Variants in TAF4 observed in about 807,000 individuals in gnomAD.
TAF4 encodes the protein TATA-box binding protein associated factor 4, also known as transcription initiation factor TFIID subunit 4.
Under a neutral mutation model 90.3 loss-of-function variants are expected in TAF4, and 9 were observed. The ratio of observed to expected loss-of-function variants is 0.10; its 90% CI spans 0.06 to 0.17. The LOEUF is 0.17. TAF4 is among the 10% of genes least tolerant of loss of function. The pLI is 1.00. For synonymous variants in TAF4, 818 were observed against 638.9 expected, an observed-to-expected ratio of 1.28 and a Z score of -4.23; for missense variants, 1,351 against 1,370.7, an observed-to-expected ratio of 0.99 and a Z score of 0.23.
chr20:62,001,923 A>G (rs1359700941), intron 9 of TAF4, among the ~76,000 whole-genome samples: 20 of 152,214 alleles, frequency 1.3e-4, no homozygotes, highest in Admixed American at 1.3e-3. Flanking sequence ...AGGTGTGCTC[A>G]GTGTTACTGG....
intron 1 of TAF4, among the ~76,000 whole-genome samples, chr20:62,047,847 C>G (rs888290504): frequency 2.0e-5 from 3 of 152,206 alleles, no homozygotes; most frequent in African/African-American, 7.2e-5. Flanking sequence ...CCAAAAAGGA[C>G]ACAGCCATGG....
intron 9 of TAF4, among the ~76,000 whole-genome samples, chr20:62,001,554 G>A (rs1170685297): frequency 3.9e-5 from 6 of 152,128 alleles, no homozygotes; most frequent in Non-Finnish European, 7.4e-5. Context: ...ACGTGAGGCC[G>A]GGGGCCTGCC....
intron 14 of TAF4, among the ~76,000 whole-genome samples, chr20:61,987,080 G>A (rs548070689): frequency 1.6e-4 from 24 of 152,266 alleles, no homozygotes; most frequent in African/African-American, 5.3e-4. Flanking sequence ...TTCAAAGTCA[G>A]CAGCAGCAGC....
rs1024988166 is a variant in TAF4, at chr20:62,047,883, A to AC, written c.1360+16567dup. 5.1e-4 allele frequency among the ~76,000 whole-genome samples: 78 copies of AC among 152,280 alleles called. 1 individual carries two copies. The highest frequency in any genetic ancestry group is 9.4e-4 in the Non-Finnish European group (64 of 68,018). ...AAGCCGCAGGTCTATTTTTATAAAC[A>AC]CCAGCACCCGGGATTCCTCGCCGAG... On this transcript the variant is annotated intron_variant, in intron 1 of 14. Coordinates refer to ENST00000252996, the MANE Select transcript of TAF4 (RefSeq NM_003185.4).
chr20:61,998,382 G>C (rs545679367), intron 12 of TAF4, among the ~76,000 whole-genome samples, 190 bp from the exon 13 acceptor site: 10 of 152,338 alleles, frequency 6.6e-5, no homozygotes, highest in Admixed American at 1.3e-4. Context: ...CAGTAATCTT[G>C]AGAAAAGTCA....
rs2055773103 is a variant in TAF4, at chr20:62,010,615, C to G, written c.1642-450G>C. Among the ~76,000 whole-genome samples the G allele has an allele frequency of 6.6e-6, 1 of 152,164 alleles. No individual in the cohort carries two copies. The highest frequency in any genetic ancestry group is 2.4e-5 in the African/African-American group (1 of 41,452). On this transcript the variant is annotated intron_variant, in intron 3 of 14. Transcript: ENST00000252996. The surrounding 1 kb of genome is among the most constrained non-coding windows in gnomAD (Gnocchi z 4.5). The stretch of plus-strand genomic sequence containing the variant: ...TGGCTACAGGGCGGTCAGGGCTCCA[C>G]AGCCGCAGCCTCCCATAGGGGAGGG...
At chr20:62,042,074 C>T (rs2145503578) in intron 1 of TAF4, among the ~76,000 whole-genome samples, 1 of 152,300 alleles carries the variant, frequency 6.6e-6, no homozygotes, top group East Asian at 1.9e-4. Flanking sequence ...TGGGAACAGG[C>T]ATTCCTGTTT....
In TAF4 at chr20:62,007,506, C is replaced by G. The variant is rs750803155; in HGVS notation, c.1974+41G>C. On this transcript the variant is annotated intron_variant, in intron 6 of 14. Coordinates refer to ENST00000252996, the MANE Select transcript of TAF4 (RefSeq NM_003185.4). Reference sequence around the variant, plus strand: ...TGGTGCATCTGCGCCCCACCCCTCCCTGGCCCTACTGCTCGCAGGCACCGG... The same window carrying G: ...TGGTGCATCTGCGCCCCACCCCTCCGTGGCCCTACTGCTCGCAGGCACCGG... 5.7e-6 allele frequency: 9 copies of G among 1,588,224 alleles called. No individual in the cohort carries two copies. In the African/African-American group the frequency reaches 9.4e-5, roughly 17 times the overall value.
intron 7 of TAF4, chr20:62,005,574 CAT>C (rs1258126000): frequency 6.6e-6 from 1 of 152,254 alleles, no homozygotes; most frequent in African/African-American, 2.4e-5. Flanking sequence ...AGGCACGGCA[CAT>C]CTCTTTCCCT....
At chr20:61,998,056 G>A (rs909308746) in intron 13 of TAF4, 80 bp downstream of exon 13, 4 of 1,380,522 alleles carry the variant, frequency 2.9e-6, no homozygotes, top group Middle Eastern at 1.8e-4. Context: ...GAAGTGCCAC[G>A]GTTTCCTTAG....
chr20:62,012,637 T>A, intron 3 of TAF4, 178 bp downstream of exon 3: 1 of 810,026 alleles, frequency 1.2e-6, no homozygotes, highest in South Asian at 2.9e-5. Flanking sequence ...AATCCTGACT[T>A]ATCCCATGTT....
intron 1 of TAF4, among the ~76,000 whole-genome samples, chr20:62,032,190 G>A (rs2055908202): frequency 6.6e-6 from 1 of 152,152 alleles, no homozygotes; most frequent in Middle Eastern, 3.2e-3. Flanking sequence ...CAGCGGTGGG[G>A]GCAGTCAACT....
intron 1 of TAF4, among the ~76,000 whole-genome samples, chr20:62,019,921 C>A (rs1021440365): frequency 6.6e-6 from 1 of 152,192 alleles, no homozygotes; most frequent in Non-Finnish European, 1.5e-5. Flanking sequence ...TGCCGGGTGC[C>A]GCAGGCCGCC....
chr20:62,061,176 CA>C (rs1406096125), intron 1 of TAF4, among the ~76,000 whole-genome samples: 1 of 152,228 alleles, frequency 6.6e-6, no homozygotes, highest in Non-Finnish European at 1.5e-5. Flanking sequence ...ACAGCTCCTG[CA>C]ACCTCAGGGG....
chr20:61,999,171 T>G, intron 11 of TAF4, 63 bp from the exon 12 acceptor site: 3 of 1,589,120 alleles, frequency 1.9e-6, no homozygotes. Flanking sequence ...AAAGGGGTTG[T>G]CTAGCACCAC....
intron 1 of TAF4, among the ~76,000 whole-genome samples, chr20:62,030,288 G>A (rs1261263778): frequency 6.6e-6 from 1 of 152,234 alleles, no homozygotes; most frequent in African/African-American, 2.4e-5. Flanking sequence ...TGGTGTCCTG[G>A]ATAGGACGAC....
At chr20:62,035,315 T>C (rs149021365) in intron 1 of TAF4, among the ~76,000 whole-genome samples, 174 of 152,320 alleles carry the variant, frequency 1.1e-3, no homozygotes, top group Middle Eastern at 6.8e-3. Context: ...AGAATTAGTA[T>C]GGAGCTAAAT....
intron 10 of TAF4, 35 bp from the exon 11 acceptor site, chr20:62,000,289 TCA>T (rs1332004255): frequency 1.2e-6 from 2 of 1,607,576 alleles, no homozygotes; most frequent in Non-Finnish European, 1.7e-6. Flanking sequence ...TATTTTAAAA[TCA>T]TTAAGCACAG....
At chr20:61,993,596 C>A (rs1197329486) in intron 14 of TAF4, among the ~76,000 whole-genome samples, 4 of 152,198 alleles carry the variant, frequency 2.6e-5, no homozygotes, top group Non-Finnish European at 4.4e-5. Context: ...CGCTGCACAA[C>A]TGGGGACTGG....
Sources: allele counts gnomAD v4.1 joint callset (sites outside exome capture counted in the v4.1 genomes callset), GRCh38; gene constraint gnomAD v4.1.1; non-coding constraint Gnocchi (gnomAD v3.1); transcripts MANE v1.5; gene names NCBI Gene and HGNC (gene_info 2026-07-23, HGNC 2026-07-21).